SPG7: variants seen among roughly 807,000 people sequenced by gnomAD.
The protein encoded by SPG7 is SPG7 matrix AAA peptidase subunit, paraplegin.
SPG7 carries 103 observed loss-of-function variants against 81.9 expected under a neutral mutation model. The observed-to-expected ratio is 1.26, with a 90% CI of 1.07 to 1.48. The LOEUF (loss-of-function observed/expected upper bound fraction) is 1.48, where lower values mean the gene tolerates loss of function less well. Ranked by LOEUF, SPG7 falls within the 40% of genes most tolerant of loss-of-function variation. The pLI is 0.00. For synonymous variants in SPG7, 534 were observed against 444.2 expected (o/e 1.20, Z -2.54); for missense variants, 1,241 against 1,087.3 (o/e 1.14, Z -1.99).
chr16:89,516,070 C>T (rs2058092604), intron 3 of SPG7, among the ~76,000 whole-genome samples: 2 of 151,952 alleles, frequency 1.3e-5, no homozygotes, highest in South Asian at 4.2e-4. Context: ...TCACTGGAAC[C>T]TCTGCCTCCT....
At chr16:89,514,308 CTTTTTTTTTTTTTTTT>C (rs148270097) in intron 3 of SPG7, 124 of 48,454 alleles carry the variant, frequency 2.6e-3, no homozygotes, top group Admixed American at 5.7e-3. Context: ...TGTCCTTTGA[CTTTTTTTTTTTTTTTT>C]TTTTTTTTTT....
chr16:89,530,025 G>C (rs1453032899), intron 6 of SPG7: 1 of 304,454 alleles, frequency 3.3e-6, no homozygotes. Context: ...TTTTGGTAGA[G>C]ACGGGGTTTC....
At chr16:89,525,615 C>T (rs545914977) in intron 4 of SPG7, among the ~76,000 whole-genome samples, 112 of 152,234 alleles carry the variant, frequency 7.4e-4, no homozygotes, top group African/African-American at 2.4e-3. Context: ...TGTTGCCGTC[C>T]AGTCATGCTG....
rs61747712 is a variant in SPG7, at chr16:89,557,000, C to T, written c.2295C>T (p.Asp765=). The T allele has an allele frequency of 1.9e-3, 3,086 of 1,613,806 alleles. 51 individuals are homozygous for T. The African/African-American group carries it at 0.037, about 19-fold the overall frequency. ...TGATCGCACCGCAGAGGTGGATCGA[C>T]GCCCAGAGGGAGAAACAGGACTTGG... ...KKMIAPQRWI[D]AQREKQDLGE... Residue 765 remains aspartate (D), a synonymous_variant, in exon 17 of 17, where the codon GAC becomes GAT. Coordinates refer to ENST00000645818, the MANE Select transcript of SPG7 (RefSeq NM_003119.4).
Position 89,508,575 on chromosome 16 carries a change from C to G in SPG7, c.158C>G (p.Ala53Gly). Residue 53 changes from alanine (A) to glycine (G), a missense_variant, in exon 1 of 17, where the codon GCC becomes GGC. Coordinates refer to ENST00000645818, the MANE Select transcript of SPG7 (RefSeq NM_003119.4). ...YMASRPPGDLAEAGGRALQSL... is the reference protein window; with the variant it reads ...YMASRPPGDLGEAGGRALQSL... ...GCCAGCAGGCCTCCGGGGGACCTCG[C>G]CGAGGCTGGAGGCCGAGCTCTGCAG... 5.4e-6 allele frequency: 8 copies of G among 1,488,054 alleles called. 1 individual carries two copies. The South Asian group carries it at 7.7e-5, about 14-fold the overall frequency. 92.2% of individuals were successfully genotyped at this position (1,488,054 alleles called of 1,614,324 possible). A position where few individuals can be genotyped will look rare whatever the true frequency, so the allele number is the denominator to read the frequency against.
chr16:89,529,314 A>C lies in SPG7; in HGVS notation c.759-163A>C. The C allele has an allele frequency of 7.5e-6, 5 of 669,130 alleles. 1 individual carries two copies. The South Asian group carries it at 8.1e-5, about 11-fold the overall frequency. 41.4% of individuals were successfully genotyped at this position (669,130 alleles called of 1,614,324 possible). A position where few individuals can be genotyped will look rare whatever the true frequency, so the allele number is the denominator to read the frequency against. ...AAGCACAGTCAGCGAGAATGAGACGAGAGAACCCATTTCCACAACCATTTT... is the reference window on the plus strand; with the variant it reads ...AAGCACAGTCAGCGAGAATGAGACGCGAGAACCCATTTCCACAACCATTTT... On this transcript the variant is annotated intron_variant, in intron 5 of 16. Transcript: ENST00000645818.
intron 7 of SPG7, 171 bp downstream of exon 7, chr16:89,530,979 G>T (rs2058334034): frequency 1.1e-5 from 9 of 837,662 alleles, no homozygotes; most frequent in Middle Eastern, 3.5e-4. Context: ...TGTTCAACCA[G>T]CAGCACAAGC....
At chr16:89,508,683 G>T in intron 1 of SPG7, 83 bp downstream of exon 1, 1 of 1,326,542 alleles carries the variant, frequency 7.5e-7, no homozygotes, top group Non-Finnish European at 1.0e-6. Context: ...GTCGGAGGCC[G>T]CCTGGCCCCT....
intron 7 of SPG7, 115 bp from the exon 8 acceptor site, chr16:89,531,789 G>T: frequency 1.0e-6 from 1 of 1,003,892 alleles, no homozygotes; most frequent in Non-Finnish European, 1.5e-6. Context: ...GCTGCAGTGA[G>T]CTATCATGGC....
chr16:89,537,603 C>T, intron 9 of SPG7: 5 of 929,834 alleles, frequency 5.4e-6, no homozygotes, highest in Non-Finnish European at 6.4e-6. Flanking sequence ...ACCATCATAG[C>T]TCACTGCAGC....
intron 3 of SPG7, among the ~76,000 whole-genome samples, chr16:89,514,068 C>T (rs76678091): frequency 6.6e-6 from 1 of 152,048 alleles, no homozygotes; most frequent in Admixed American, 6.6e-5. Flanking sequence ...ACTGAGCTCT[C>T]GAGGGGAGGT....
intron 9 of SPG7, chr16:89,542,361 T>G (rs947312804): frequency 2.0e-5 from 3 of 152,222 alleles, no homozygotes; most frequent in Non-Finnish European, 2.9e-5. Context: ...CTCTTGTTCC[T>G]CGTGTCATAG....
intron 16 of SPG7, chr16:89,555,683 G>C: frequency 2.5e-6 from 1 of 394,990 alleles, no homozygotes; most frequent in Middle Eastern, 6.4e-4. Context: ...ATGTTTTGTA[G>C]GACGTTCCTC....
chr16:89,550,173 C>T, intron 12 of SPG7: 1 of 359,944 alleles, frequency 2.8e-6, no homozygotes, highest in South Asian at 2.2e-5. Context: ...CCCCGTCATT[C>T]TTTTTTGTTT....
At position 89,548,560 on chromosome 16, in the gene SPG7, C is replaced by T. The variant is rs529619495; in HGVS notation, c.1663+447C>T. 5.7e-5 allele frequency: 18 copies of T among 315,076 alleles called. No individual in the cohort carries two copies. In the East Asian group the frequency reaches 6.3e-4, roughly 11 times the overall value. 19.5% of individuals were successfully genotyped at this position (315,076 alleles called of 1,614,324 possible). A position where few individuals can be genotyped will look rare whatever the true frequency, so the allele number is the denominator to read the frequency against. Reference sequence around the variant, plus strand: ...TGCTTTCAGCGCAGCAGGGGCTCTGCGGAGAGGTGTGGATCTGCAGCACCA... The same window carrying T: ...TGCTTTCAGCGCAGCAGGGGCTCTGTGGAGAGGTGTGGATCTGCAGCACCA... On this transcript the variant is annotated intron_variant, in intron 12 of 16. Coordinates refer to ENST00000645818, the MANE Select transcript of SPG7 (RefSeq NM_003119.4).
rs1378526561 is a variant in SPG7, at chr16:89,526,341, A to T, written c.631A>T (p.Met211Leu). 6 of 1,614,066 alleles carry T rather than the reference A, an allele frequency of 3.7e-6. No individual in the cohort carries two copies. The East Asian group carries it at 1.1e-4, about 30-fold the overall frequency. The change falls in exon 5 of 17, where the codon ATG (methionine) becomes TTG (leucine). Residue 211 changes from methionine (M) to leucine (L), a missense_variant. By Grantham distance (15) the Met-to-Leu change is conservative. Coordinates refer to ENST00000645818, the MANE Select transcript of SPG7 (RefSeq NM_003119.4). The part of the protein sequence containing the change: ...VVFGRPRLAL[M>L]YRMQVANIDK... Reference sequence around the variant, plus strand: ...TTCTGCCCCCCAGCGGCTAGCCTTGATGTACCGAATGCAGGTTGCAAATAT... The same window carrying T: ...TTCTGCCCCCCAGCGGCTAGCCTTGTTGTACCGAATGCAGGTTGCAAATAT...
Position 89,524,199 on chromosome 16 carries a change from C to A in SPG7, c.570C>A (p.Asp190Glu). ...GCGTCCAGGTGGTGCCTGAGAGCGACGTGGTGGAAGTCTACCTGCACCCTG... is the reference window on the plus strand; with the variant it reads ...GCGTCCAGGTGGTGCCTGAGAGCGAAGTGGTGGAAGTCTACCTGCACCCTG... Reference protein sequence around the residue: ...VQRVQVVPESDVVEVYLHPGA... With the variant: ...VQRVQVVPESEVVEVYLHPGA... Residue 190 changes from aspartate to glutamate, a missense_variant, in exon 4 of 17, where the codon GAC becomes GAA. Coordinates refer to ENST00000645818, the MANE Select transcript of SPG7 (RefSeq NM_003119.4). 1 of 1,613,732 alleles carries A rather than the reference C, an allele frequency of 6.2e-7. No individual in the cohort carries two copies. Among genetic ancestry groups the A allele is most frequent in the Non-Finnish European group, 8.5e-7 (1 of 1,179,978 alleles).
intron 13 of SPG7, 35 bp downstream of exon 13, chr16:89,550,644 G>C (rs1187334158): frequency 6.8e-7 from 1 of 1,469,376 alleles, no homozygotes. Flanking sequence ...CACGGGCCTT[G>C]GCCAAAGGTG....
intron 2 of SPG7, among the ~76,000 whole-genome samples, chr16:89,512,473 C>T (rs901621849): frequency 2.0e-5 from 3 of 152,004 alleles, no homozygotes; most frequent in East Asian, 1.9e-4. Context: ...CCAACACGTC[C>T]GGCTAATTTT....
Sources: allele counts gnomAD v4.1 joint callset (sites outside exome capture counted in the v4.1 genomes callset), GRCh38; gene constraint gnomAD v4.1.1; transcripts MANE v1.5; gene names NCBI Gene and HGNC (gene_info 2026-07-23, HGNC 2026-07-21).